The following LAMA2 variants were observed in gnomAD, a reference collection of about 807,000 sequenced individuals.
LAMA2 encodes laminin subunit alpha-2.
In LAMA2, 269 loss-of-function variants were observed where a neutral mutation model predicts 364.8. That is an observed-to-expected ratio of 0.74 (90% CI 0.67 to 0.82). The LOEUF (loss-of-function observed/expected upper bound fraction) is 0.82, where lower values mean the gene tolerates loss of function less well. LAMA2 is among the 40% of genes least tolerant of loss of function. The pLI, the probability that LAMA2 is intolerant of heterozygous loss-of-function variation, is 0.00. For synonymous variants in LAMA2, 1,379 were observed against 1,370.6 expected (o/e 1.01, Z -0.14); for missense variants, 3,807 against 3,873.2 (o/e 0.98, Z 0.45).
At position 129,059,698 on chromosome 6, in the gene LAMA2, C is replaced by CG. The variant is rs143205326; in HGVS notation, c.284-86_284-85insG. The CG allele has an allele frequency of 0.25, 204,068 of 812,902 alleles. 26,778 individuals are homozygous for CG. Among genetic ancestry groups the CG allele is most frequent in the African/African-American group, 0.39 (22,451 of 57,902 alleles). 50.4% of individuals were successfully genotyped at this position (812,902 alleles called of 1,614,324 possible). On this transcript the variant is annotated intron_variant, in intron 2 of 64. Transcript: ENST00000421865. The stretch of plus-strand genomic sequence containing the variant: ...ATATTCACATGATGGTTGTTTTAAC[C>CG]ATTTTTTTTTACTTTAAAGAAAAAG...
At chr6:129,052,925 T>G (rs1404047867) in intron 2 of LAMA2, among the ~76,000 whole-genome samples, 1 of 150,782 alleles carries the variant, frequency 6.6e-6, no homozygotes, top group African/African-American at 2.5e-5. Flanking sequence ...CAGAAAACAT[T>G]ACTATATTTC....
intron 1 of LAMA2, among the ~76,000 whole-genome samples, chr6:129,005,937 A>C (rs1784421290): frequency 6.6e-6 from 1 of 151,546 alleles, no homozygotes; most frequent in African/African-American, 2.4e-5. Flanking sequence ...AATATTTTGA[A>C]GTTTTCTCTC....
chr6:129,367,388 A>G (rs1187972720), intron 33 of LAMA2, among the ~76,000 whole-genome samples: 1 of 152,250 alleles, frequency 6.6e-6, no homozygotes, highest in South Asian at 2.1e-4. Flanking sequence ...AAAAATAATC[A>G]TTAAACAATA....
chr6:128,935,220 C>T (rs1226494589), intron 1 of LAMA2, among the ~76,000 whole-genome samples: 2 of 145,618 alleles, frequency 1.4e-5, no homozygotes, highest in East Asian at 2.1e-4. Context: ...CCCAGCCCCA[C>T]ACCCCCCCCA....
Position 129,453,054 on chromosome 6 carries a change from A to G in LAMA2, c.6496A>G (p.Ser2166Gly). Reference sequence around the variant, plus strand: ...ATACAAACCAGAAATCAAGAAAGGAAGTTACAATAATATTGTTGTCAACGT... The same window carrying G: ...ATACAAACCAGAAATCAAGAAAGGAGGTTACAATAATATTGTTGTCAACGT... ...RTYKPEIKKGSYNNIVVNVKT... is the reference protein window; with the variant it reads ...RTYKPEIKKGGYNNIVVNVKT... Residue 2166 changes from serine to glycine, a missense_variant, in exon 46 of 65, where the codon AGT becomes GGT. Around this residue, in one of 3 missense-constraint regions of LAMA2, gnomAD observed 3,333 missense variants for 3,345.7 expected, o/e 1.00. Transcript: ENST00000421865. 1.2e-6 allele frequency: 2 copies of G among 1,612,814 alleles called. No individual in the cohort carries two copies. Among genetic ancestry groups the G allele is most frequent in the Non-Finnish European group, 1.7e-6 (2 of 1,179,150 alleles).
intron 22 of LAMA2, among the ~76,000 whole-genome samples, chr6:129,307,830 G>A (rs1183626451): frequency 4.6e-5 from 7 of 152,178 alleles, no homozygotes; most frequent in Non-Finnish European, 8.8e-5. Context: ...GCAATAATAA[G>A]GGCATTTTTT....
At position 129,198,812 on chromosome 6, in the gene LAMA2, C is replaced by A. The variant is rs375128127; in HGVS notation, c.1782+5959C>A. Among the ~76,000 whole-genome samples, 16 of 151,764 alleles carry A rather than the reference C, an allele frequency of 1.1e-4. No individual in the cohort carries two copies. The South Asian group carries it at 3.1e-3, about 30-fold the overall frequency. On this transcript the variant is annotated intron_variant, in intron 12 of 64. Transcript: ENST00000421865. ...GGAAAATGCAACTTAAAAAAACTGACTCAAAGAAAAAAAATCTATAATGTC... is the reference window on the plus strand; with the variant it reads ...GGAAAATGCAACTTAAAAAAACTGAATCAAAGAAAAAAAATCTATAATGTC...
chr6:129,427,337 T>G (rs1781370910), intron 40 of LAMA2, among the ~76,000 whole-genome samples: 1 of 152,214 alleles, frequency 6.6e-6, no homozygotes, highest in African/African-American at 2.4e-5. Context: ...ATGTGTTTAG[T>G]TCTTAATTTG....
At chr6:129,305,650 T>A (rs868410225) in intron 22 of LAMA2, among the ~76,000 whole-genome samples, 6 of 151,336 alleles carry the variant, frequency 4.0e-5, no homozygotes, top group South Asian at 2.1e-4. Flanking sequence ...AGAGAGAGAG[T>A]GTGTGTGTGT....
At chr6:129,292,931 G>C in intron 20 of LAMA2, 1 of 985,960 alleles carries the variant, frequency 1.0e-6, no homozygotes, top group Non-Finnish European at 1.2e-6. Context: ...TAGGGAAACA[G>C]TGCAACCTCG....
chr6:129,450,413 G>C (rs988217573), intron 45 of LAMA2, among the ~76,000 whole-genome samples: 5 of 151,186 alleles, frequency 3.3e-5, no homozygotes, highest in African/African-American at 1.2e-4. Flanking sequence ...TCTGCCTCTT[G>C]GGTTCAAGCA....
chr6:129,156,961 T>C (rs1383251910), intron 8 of LAMA2, among the ~76,000 whole-genome samples: 2 of 152,072 alleles, frequency 1.3e-5, no homozygotes, highest in Admixed American at 1.3e-4. Context: ...CTAATTCAAA[T>C]GGCAACAGAG....
At chr6:129,400,979 A>G (rs954710072) in intron 37 of LAMA2, among the ~76,000 whole-genome samples, 11 of 152,236 alleles carry the variant, frequency 7.2e-5, no homozygotes, top group South Asian at 4.1e-4. Flanking sequence ...CTAGTATCGC[A>G]TAACTTTTCT....
At chr6:128,983,730 C>T (rs1783037237) in intron 1 of LAMA2, among the ~76,000 whole-genome samples, 2 of 152,130 alleles carry the variant, frequency 1.3e-5, no homozygotes, top group Admixed American at 6.5e-5. Context: ...AGCTTGTGAA[C>T]AATGCTTTGG....
chr6:128,890,686 C>T (rs1161380495), intron 1 of LAMA2, among the ~76,000 whole-genome samples: 2 of 152,058 alleles, frequency 1.3e-5, no homozygotes, highest in Non-Finnish European at 2.9e-5. Flanking sequence ...TTACTGGACA[C>T]TAGGCTATAA....
At chr6:129,406,623 G>C (rs1421591095) in intron 40 of LAMA2, among the ~76,000 whole-genome samples, 1 of 152,050 alleles carries the variant, frequency 6.6e-6, no homozygotes, top group African/African-American at 2.4e-5. Flanking sequence ...TCCTATAAGA[G>C]ACTCTAAAAT....
chr6:129,151,962 T>G (rs1778831298), intron 7 of LAMA2, among the ~76,000 whole-genome samples: 1 of 152,214 alleles, frequency 6.6e-6, no homozygotes, highest in African/African-American at 2.4e-5. Flanking sequence ...GATTACTATG[T>G]GTTCCCTAAA....
In LAMA2 at chr6:129,465,041, A is replaced by G. The variant is rs532337751; in HGVS notation, c.7156-104A>G. The stretch of plus-strand genomic sequence containing the variant: ...ATTTCTGCAACAGAGTGACATATTC[A>G]GCAATTTAGCCACAAGACCCTAACA... On this transcript the variant is annotated intron_variant, in intron 50 of 64. Transcript: ENST00000421865. 3.3e-4 allele frequency: 298 copies of G among 893,776 alleles called. 3 individuals carry two copies. In the Admixed American group the frequency reaches 5.2e-3, roughly 15 times the overall value. The allele number at this position is 893,776 out of a possible 1,614,324, so 55.4% of individuals were successfully genotyped here. A position where few individuals can be genotyped will look rare whatever the true frequency, so the allele number is the denominator to read the frequency against.
At chr6:129,238,408 A>T (rs1207701656) in intron 12 of LAMA2, among the ~76,000 whole-genome samples, 1 of 152,190 alleles carries the variant, frequency 6.6e-6, no homozygotes, top group Non-Finnish European at 1.5e-5. Context: ...ATGCCCTTTT[A>T]GACATAACAT....
Sources: allele counts gnomAD v4.1 joint callset (sites outside exome capture counted in the v4.1 genomes callset), GRCh38; gene constraint gnomAD v4.1.1; regional missense constraint gnomAD v4.1.1; transcripts MANE v1.5; gene names NCBI Gene and HGNC (gene_info 2026-07-23, HGNC 2026-07-21).